Variants in SPTBN1 observed in about 807,000 individuals in gnomAD.
SPTBN1 encodes spectrin beta chain, non-erythrocytic 1.
SPTBN1 carries 32 observed loss-of-function variants against 266.4 expected under a neutral mutation model. The ratio of observed to expected loss-of-function variants is 0.12; its 90% CI spans 0.09 to 0.16. The LOEUF is 0.16. Among genes scored for constraint, SPTBN1 ranks in the 10% least tolerant of loss-of-function variants. SPTBN1 has a pLI of 1.00. For synonymous variants in SPTBN1, 1,336 were observed against 1,162.2 expected, an observed-to-expected ratio of 1.15 and a Z score of -3.04; for missense variants, 2,296 against 3,067.1, an observed-to-expected ratio of 0.75 and a Z score of 5.94.
chr2:54,489,449 C>T (rs1034048598), intron 1 of SPTBN1, among the ~76,000 whole-genome samples: 1 of 152,108 alleles, frequency 6.6e-6, no homozygotes, highest in African/African-American at 2.4e-5. Flanking sequence ...ACCTGTAATC[C>T]CAGCACTTTG....
chr2:54,645,824 T>C lies in SPTBN1; in HGVS notation c.4495-104T>C, dbSNP rs1679892361. ...GCCCTCCCGAGGGGGCTGAGCACTC[T>C]CTGAAGCTCACCCTTGCTGTCCCTC... is the stretch of plus-strand genomic sequence containing the variant. On this transcript the variant is annotated intron_variant, in intron 21 of 35. Coordinates refer to ENST00000356805, the MANE Select transcript of SPTBN1 (RefSeq NM_003128.3). The surrounding 1 kb of genome is among the most constrained non-coding windows in gnomAD (Gnocchi z 4.3). The C allele has an allele frequency of 2.3e-6, 3 of 1,280,944 alleles. No homozygotes were observed. The highest frequency in any genetic ancestry group is 1.1e-6 in the Non-Finnish European group (1 of 898,096). 79.3% of individuals were successfully genotyped at this position (1,280,944 alleles called of 1,614,324 possible).
chr2:54,650,053 T>G, intron 26 of SPTBN1, 64 bp downstream of exon 26: 1 of 1,524,192 alleles, frequency 6.6e-7, no homozygotes, highest in Admixed American at 2.0e-5. Context: ...TCTTTGGGCA[T>G]CTGTAAGTAT....
intron 29 of SPTBN1, 87 bp from the exon 30 acceptor site, chr2:54,657,763 C>A: frequency 6.6e-7 from 1 of 1,514,288 alleles, no homozygotes; most frequent in Non-Finnish European, 9.1e-7. Flanking sequence ...TAGCCATCAC[C>A]AGAGGGCAGC....
At chr2:54,657,514 A>G (rs1290458373) in intron 29 of SPTBN1, among the ~76,000 whole-genome samples, 3 of 152,242 alleles carry the variant, frequency 2.0e-5, no homozygotes, top group African/African-American at 7.2e-5. Flanking sequence ...AATGCACATC[A>G]GATTTAGATT....
intron 1 of SPTBN1, among the ~76,000 whole-genome samples, chr2:54,464,851 T>C (rs1693546824): frequency 6.6e-6 from 1 of 152,072 alleles, no homozygotes; most frequent in Non-Finnish European, 1.5e-5. Context: ...ACAGGGCTAA[T>C]TTTTAAACCT....
intron 19 of SPTBN1, among the ~76,000 whole-genome samples, chr2:54,643,496 A>G (rs1041047137): frequency 6.6e-6 from 1 of 152,186 alleles, no homozygotes; most frequent in African/African-American, 2.4e-5. Context: ...AATTTTAAAT[A>G]TATACATATT....
chr2:54,581,755 AG>A (rs1674929931), intron 2 of SPTBN1, among the ~76,000 whole-genome samples: 1 of 152,106 alleles, frequency 6.6e-6, no homozygotes, highest in African/African-American at 2.4e-5. Flanking sequence ...CAGCTGCTGC[AG>A]GTCTCATTAA....
rs569321608 is a variant in SPTBN1, at chr2:54,638,810, C to T, written c.3858+1007C>T. ...AGTATGGGGGTAGAATCAGGTCATA[C>T]GCTGGGAATACAACTTCAATCATCA... On this transcript the variant is annotated intron_variant, in intron 18 of 35. Transcript: ENST00000356805. Among the ~76,000 whole-genome samples the T allele has an allele frequency of 4.0e-4, 61 of 152,264 alleles. 1 individual carries two copies. The highest frequency in any genetic ancestry group is 1.6e-3 in the Admixed American group (25 of 15,294).
intron 2 of SPTBN1, among the ~76,000 whole-genome samples, chr2:54,570,079 T>C (rs1334431411): frequency 6.6e-6 from 1 of 151,168 alleles, no homozygotes; most frequent in Non-Finnish European, 1.5e-5. Flanking sequence ...CATAAAAGCC[T>C]CTGGAGCAGC....
Position 54,626,811 on chromosome 2 carries a change from G to A in SPTBN1, c.1644+577G>A, listed in dbSNP as rs922462299. ...GCGGTAGTATGTGCACAGATCATGG[G>A]ATGGGCTGGATGGCAGTGGCTGGTC... is the stretch of plus-strand genomic sequence containing the variant. On this transcript the variant is annotated intron_variant, in intron 12 of 35. Coordinates refer to ENST00000356805, the MANE Select transcript of SPTBN1 (RefSeq NM_003128.3). The surrounding 1 kb of genome is among the most constrained non-coding windows in gnomAD (Gnocchi z 4.7). Among the ~76,000 whole-genome samples, 2 of 152,334 alleles carry A rather than the reference G, an allele frequency of 1.3e-5. No homozygotes were observed. Among genetic ancestry groups the A allele is most frequent in the South Asian group, 2.1e-4 (1 of 4,826 alleles).
chr2:54,641,824 C>T (rs1378908309), intron 18 of SPTBN1, among the ~76,000 whole-genome samples: 4 of 152,188 alleles, frequency 2.6e-5, no homozygotes, highest in Non-Finnish European at 1.5e-5. Flanking sequence ...GGAGCCTTTC[C>T]TGGCAGCAGC....
chr2:54,566,585 C>T (rs773465901), intron 2 of SPTBN1, among the ~76,000 whole-genome samples: 1 of 152,130 alleles, frequency 6.6e-6, no homozygotes, highest in Non-Finnish European at 1.5e-5. Flanking sequence ...AATACCAGCT[C>T]TTTGGGAGGT....
chr2:54,638,905 A>G (rs550383107), intron 18 of SPTBN1, among the ~76,000 whole-genome samples: 9 of 152,246 alleles, frequency 5.9e-5, no homozygotes, highest in Non-Finnish European at 1.3e-4. Flanking sequence ...GCTGCGTTAG[A>G]TCACGTATGA....
In SPTBN1 at chr2:54,629,341, G is replaced by T. The variant is rs993769854; in HGVS notation, c.2207G>T (p.Arg736Leu). The T allele has an allele frequency of 4.3e-6, 7 of 1,613,906 alleles. No individual in the cohort carries two copies. Among genetic ancestry groups the T allele is most frequent in the Non-Finnish European group, 5.9e-6 (7 of 1,180,020 alleles). The change falls in exon 14 of 36, where the codon CGG (arginine) becomes CTG (leucine). Residue 736 changes from arginine to leucine, a missense_variant. By Grantham distance (102) the Arg-to-Leu change is moderately radical. Transcript: ENST00000356805. ...AACCTAGAGCAGCTCTCGGCCATTC[G>T]GAAGAAGCGCCTGGAGGAGGCCTCC... ...WANLEQLSAI[R>L]KKRLEEASLL...
In SPTBN1 at chr2:54,668,622, C is replaced by A; in HGVS notation, c.*53C>A. ...TCTTACCTTTTCAGTGAAATTCCAG[C>A]ATGCAAGCTCAGAACCAACACATTA... On this transcript the variant is annotated 3_prime_UTR_variant, in exon 36 of 36. Transcript: ENST00000356805. 1 of 1,512,338 alleles carries A rather than the reference C, an allele frequency of 6.6e-7. No individual in the cohort carries two copies. Among genetic ancestry groups the A allele is most frequent in the Non-Finnish European group, 9.0e-7 (1 of 1,110,760 alleles). 93.7% of individuals were successfully genotyped at this position (1,512,338 alleles called of 1,614,324 possible).
chr2:54,649,232 C>T lies in SPTBN1; in HGVS notation c.5202+42C>T, dbSNP rs756658866. ...GTGCATGAGTTGGTTGTGCAGTAAG[C>T]GATGGTGTGGAAGGCCATTTGCATT... On this transcript the variant is annotated intron_variant, in intron 25 of 35. Coordinates refer to ENST00000356805, the MANE Select transcript of SPTBN1 (RefSeq NM_003128.3). The surrounding 1 kb of genome is among the most constrained non-coding windows in gnomAD (Gnocchi z 6.7). 1.7e-5 allele frequency: 26 copies of T among 1,553,346 alleles called. No individual in the cohort carries two copies. Among genetic ancestry groups the T allele is most frequent in the African/African-American group, 8.1e-5 (6 of 73,850 alleles).
chr2:54,621,375 G>A, intron 7 of SPTBN1, 25 bp from the exon 8 acceptor site: 1 of 1,593,630 alleles, frequency 6.3e-7, no homozygotes, highest in Middle Eastern at 1.7e-4. Context: ...GCAACACACT[G>A]AACAGAGTCT....
At chr2:54,556,645 A>G (rs1427358925) in intron 2 of SPTBN1, among the ~76,000 whole-genome samples, 2 of 60,930 alleles carry the variant, frequency 3.3e-5, no homozygotes, top group African/African-American at 2.6e-4. Context: ...ACGGTTCCCA[A>G]TTCAACTTCT....
chr2:54,531,475 G>C (rs1671234106), intron 2 of SPTBN1, among the ~76,000 whole-genome samples: 1 of 152,136 alleles, frequency 6.6e-6, no homozygotes, highest in Admixed American at 6.5e-5. Flanking sequence ...TCAGGCTAGA[G>C]TACAGTGGTA....
Sources: gnomAD v4.1 joint callset for allele counts (sites outside exome capture counted in the v4.1 genomes callset) on GRCh38, gnomAD v4.1.1 for gene constraint, Gnocchi (gnomAD v3.1) non-coding constraint, MANE v1.5 for transcripts, NCBI Gene and HGNC (gene_info 2026-07-23, HGNC 2026-07-21) for gene names.